Variants in CUBN observed in about 807,000 individuals in gnomAD.
CUBN encodes 460 kDa receptor.
Under a neutral mutation model 405.3 loss-of-function variants are expected in CUBN, and 282 were observed. The ratio of observed to expected loss-of-function variants is 0.70; its 90% CI spans 0.63 to 0.77. The LOEUF (loss-of-function observed/expected upper bound fraction) is 0.77, where lower values mean the gene tolerates loss of function less well. Ranked by LOEUF, CUBN falls within the 30% of genes least tolerant of loss-of-function variation. The pLI, the probability that CUBN is intolerant of heterozygous loss-of-function variation, is 0.00. For missense variants in CUBN, 4,514 were observed against 4,475.2 expected (o/e 1.01, Z -0.25); for synonymous variants, 1,684 against 1,617.0 (o/e 1.04, Z -0.99).
rs1250821836 is a variant in CUBN at position 16,937,692 on chromosome 10, T to C, written c.5826A>G (p.Thr1942=). The C allele has an allele frequency of 1.2e-6, 2 of 1,614,054 alleles. No individual in the cohort carries two copies. The highest frequency in any genetic ancestry group is 1.7e-5 in the Admixed American group (1 of 60,010). The change falls in exon 39 of 67, where the codon ACA becomes ACG. Residue 1942 remains threonine (T), a synonymous_variant. Coordinates refer to ENST00000377833, the MANE Select transcript of CUBN (RefSeq NM_001081.4). ...TTGAAGAGTCGGAGTAAAAATGAAA[T>C]GTCAAAGAATTTCCAGTGGAGCTGA... The part of the protein sequence containing the change: ...ESFSSTGNSL[T]FHFYSDSSIS...
At chr10:16,910,176 T>A (rs1841685501) in intron 48 of CUBN, among the ~76,000 whole-genome samples, 1 of 151,830 alleles carries the variant, frequency 6.6e-6, no homozygotes, top group African/African-American at 2.4e-5. Flanking sequence ...GTTCTTCTTT[T>A]TTTCTCCTTC....
At chr10:16,981,716 C>T (rs1297399004) in intron 31 of CUBN, among the ~76,000 whole-genome samples, 8 of 152,170 alleles carry the variant, frequency 5.3e-5, no homozygotes, top group Admixed American at 2.0e-4. Flanking sequence ...TTCCTGCATT[C>T]GTCTATTCGT....
chr10:16,915,793 C>A (rs1379865529), intron 46 of CUBN, 28 bp downstream of exon 46: 2 of 1,579,440 alleles, frequency 1.3e-6, no homozygotes, highest in Admixed American at 1.7e-5. Flanking sequence ...AATAAACACC[C>A]AAAAGAGAGC....
chr10:16,900,756 A>C lies in CUBN; in HGVS notation c.8279T>G (p.Ile2760Arg), dbSNP rs538864199. Residue 2760 changes from isoleucine to arginine, a missense_variant, in exon 53 of 67, where the codon ATA (isoleucine) becomes AGA (arginine). By Grantham distance (97) the Ile-to-Arg change is moderately conservative. Around this residue, in one of 5 missense-constraint regions of CUBN, gnomAD observed 1,186 missense variants for 1,186.9 expected, o/e 1.00. Coordinates refer to ENST00000377833, the MANE Select transcript of CUBN (RefSeq NM_001081.4). ...GTTTGAATTTCCACAGTATTGTCCT[A>C]TGATGGGTGATTCAGGGGACCCACC... ...RNGGSPESPI[I>R]GQYCGNSNPR... 1 of 1,613,954 alleles carries C rather than the reference A, an allele frequency of 6.2e-7. No homozygotes were observed. Among genetic ancestry groups the C allele is most frequent in the South Asian group, 1.1e-5 (1 of 91,090 alleles).
chr10:16,924,661 A>G lies in CUBN; in HGVS notation c.6646+580T>C, dbSNP rs150489129. On this transcript the variant is annotated intron_variant, in intron 43 of 66. Transcript: ENST00000377833. ...TGAAGTGATGCCTATTTATTTATTT[A>G]TTTATTCAATTAAACATTACTAAAA... Among the ~76,000 whole-genome samples the G allele has an allele frequency of 8.2e-3, 1,253 of 152,130 alleles. 5 individuals are homozygous for G. Among genetic ancestry groups the G allele is most frequent in the Non-Finnish European group, 0.013 (905 of 67,966 alleles).
rs1373865516 is a variant in CUBN at position 16,824,877 on chromosome 10, T to A, written c.*98A>T. On this transcript the variant is annotated 3_prime_UTR_variant, in exon 67 of 67. Transcript: ENST00000377833. ...GAAAAACCATACAAGTTCAGCTTATTCTCTGTGGCATCAGCAGGGGTCATG... is the reference window on the plus strand; with the variant it reads ...GAAAAACCATACAAGTTCAGCTTATACTCTGTGGCATCAGCAGGGGTCATG... The A allele has an allele frequency of 1.5e-5, 13 of 844,160 alleles. No homozygotes were observed. Among genetic ancestry groups the A allele is most frequent in the Non-Finnish European group, 2.4e-5 (12 of 496,426 alleles). The allele number at this position is 844,160 out of a possible 1,614,324, so 52.3% of individuals were successfully genotyped here.
chr10:17,050,565 A>G (rs1255722383), intron 22 of CUBN, among the ~76,000 whole-genome samples: 1 of 152,206 alleles, frequency 6.6e-6, no homozygotes, highest in African/African-American at 2.4e-5. Flanking sequence ...CTGGGCTGAG[A>G]ATACATAAGG....
intron 10 of CUBN, among the ~76,000 whole-genome samples, chr10:17,107,950 A>T (rs1836675323): frequency 6.6e-6 from 1 of 152,150 alleles, no homozygotes; most frequent in Non-Finnish European, 1.5e-5. Flanking sequence ...ATAGGGAAAA[A>T]TGGAGTAAGC....
intron 28 of CUBN, among the ~76,000 whole-genome samples, chr10:16,990,813 A>G (rs1280586174): frequency 6.6e-6 from 1 of 152,186 alleles, no homozygotes; most frequent in East Asian, 1.9e-4. Context: ...AGTCATTCTA[A>G]TTTTAGATTT....
At chr10:16,908,995 G>T (rs1272792494) in intron 48 of CUBN, among the ~76,000 whole-genome samples, 1 of 149,226 alleles carries the variant, frequency 6.7e-6, no homozygotes, top group Non-Finnish European at 1.5e-5. Flanking sequence ...CCATTCTCCT[G>T]CCTCAGCCTC....
Position 17,088,287 on chromosome 10 carries a change from T to C in CUBN, c.1824A>G (p.Gly608=). 6.2e-7 allele frequency: 1 copy of C among 1,613,498 alleles called. No homozygotes were observed. The highest frequency in any genetic ancestry group is 2.2e-5 in the East Asian group (1 of 44,880). The part of the protein sequence containing the change: ...YGSIKSPGYP[G]NYPPGRDCVW... ...CACAATCTCTTCCTGGGGGATAGTT[T>C]CCAGGATACCCCGGAGACTTAATAG... The change falls in exon 15 of 67, where the codon GGA becomes GGG. Residue 608 remains glycine (G), a synonymous_variant. Coordinates refer to ENST00000377833, the MANE Select transcript of CUBN (RefSeq NM_001081.4).
chr10:17,062,904 T>C (rs1033049239), intron 22 of CUBN, among the ~76,000 whole-genome samples: 1 of 152,236 alleles, frequency 6.6e-6, no homozygotes. Flanking sequence ...CTTCCCTTGA[T>C]GCTTTTCCCT....
In CUBN at chr10:16,915,821, C is replaced by T. The variant is rs561433648; in HGVS notation, c.7210G>A (p.Gly2404Arg). Reference sequence around the variant, plus strand: ...AAGAGAGCAGATATATTTTACTAACCAGAGGTATGATTGTCCCAGATCTCC... The same window carrying T: ...AAGAGAGCAGATATATTTTACTAACTAGAGGTATGATTGTCCCAGATCTCC... ...FVEIWDNHTS[G>R]NILGRYCGNT... The change falls in exon 46 of 67, where the codon GGA becomes AGA. Residue 2404 changes from glycine (G) to arginine (R), a missense_variant and splice_region_variant. Physicochemically the swap from Gly to Arg is moderately radical, Grantham distance 125. Around this residue, in one of 5 missense-constraint regions of CUBN, gnomAD observed 1,613 missense variants for 1,542.8 expected, o/e 1.05. Coordinates refer to ENST00000377833, the MANE Select transcript of CUBN (RefSeq NM_001081.4). 6.2e-7 allele frequency: 1 copy of T among 1,610,548 alleles called. No homozygotes were observed. The highest frequency in any genetic ancestry group is 8.5e-7 in the Non-Finnish European group (1 of 1,178,090).
chr10:16,946,569 C>T (rs545336534), intron 36 of CUBN, among the ~76,000 whole-genome samples: 1 of 148,940 alleles, frequency 6.7e-6, no homozygotes, highest in African/African-American at 2.5e-5. Flanking sequence ...AATCTCAGTG[C>T]ACCACAACCT....
intron 28 of CUBN, 82 bp from the exon 29 acceptor site, chr10:16,990,597 C>T: frequency 8.1e-7 from 1 of 1,235,546 alleles, no homozygotes; most frequent in Non-Finnish European, 1.2e-6. Context: ...CACCGAAAGG[C>T]CATCAAAAAT....
intron 9 of CUBN, among the ~76,000 whole-genome samples, 177 bp downstream of exon 9, chr10:17,110,742 C>T (rs1303496260): frequency 1.3e-5 from 2 of 151,964 alleles, no homozygotes; most frequent in Admixed American, 6.6e-5. Flanking sequence ...TGGCCAGGCC[C>T]GAACTCCCGA....
chr10:16,851,573 T>C (rs1339184632), intron 59 of CUBN, 130 bp from the exon 60 acceptor site: 1 of 842,000 alleles, frequency 1.2e-6, no homozygotes, highest in Non-Finnish European at 2.0e-6. Context: ...GATCATTCCC[T>C]CCTGGGCTCC....
chr10:17,116,566 AG>A (rs1836905886), intron 6 of CUBN, among the ~76,000 whole-genome samples: 1 of 152,242 alleles, frequency 6.6e-6, no homozygotes, highest in African/African-American at 2.4e-5. Flanking sequence ...CTGCGTGGCC[AG>A]GCCTCCCTCC....
intron 2 of CUBN, 147 bp downstream of exon 2, chr10:17,128,974 T>G: frequency 1.6e-6 from 1 of 628,470 alleles, no homozygotes; most frequent in Non-Finnish European, 2.7e-6. Flanking sequence ...GATTTGAACT[T>G]TACACATTAT....
Sources: gnomAD v4.1 joint callset for allele counts (sites outside exome capture counted in the v4.1 genomes callset) on GRCh38, gnomAD v4.1.1 for gene constraint, gnomAD v4.1.1 regional missense constraint, MANE v1.5 for transcripts, NCBI Gene and HGNC (gene_info 2026-07-23, HGNC 2026-07-21) for gene names.